Variants in C19orf47 observed in about 807,000 individuals in gnomAD.
The protein encoded by C19orf47 is uncharacterized protein C19orf47.
A neutral mutation model predicts 32.3 loss-of-function variants in C19orf47; 18 were observed. The observed-to-expected ratio is 0.56, with a 90% CI of 0.39 to 0.83. The LOEUF is 0.83. C19orf47 is among the 40% of genes least tolerant of loss of function. C19orf47 has a pLI of 0.00. For missense variants in C19orf47, 484 were observed against 531.6 expected (o/e 0.91, Z 0.88); for synonymous variants, 202 against 211.1 (o/e 0.96, Z 0.37).
At chr19:40,300,714 G>C in the C19orf47 span, among the ~76,000 whole-genome samples, 1 of 152,116 alleles carries the variant, frequency 6.6e-6, no homozygotes, top group Non-Finnish European at 1.5e-5. Flanking sequence ...TTTGCAATCA[G>C]CTATTGCCCC....
At chr19:40,299,948 G>A in the C19orf47 span, among the ~76,000 whole-genome samples, 25 of 152,168 alleles carry the variant, frequency 1.6e-4, no homozygotes, top group South Asian at 5.0e-3. Flanking sequence ...AGAATCGCTT[G>A]AACCCAGGGG....
At chr19:40,300,224 T>C in the C19orf47 span, among the ~76,000 whole-genome samples, 7 of 152,040 alleles carry the variant, frequency 4.6e-5, no homozygotes, top group Non-Finnish European at 1.0e-4. Context: ...CCCAGCACTT[T>C]GGGAGGCCAG....
intron 8 of C19orf47, among the ~76,000 whole-genome samples, chr19:40,323,623 C>G (rs2077766984): frequency 6.6e-6 from 1 of 152,196 alleles, no homozygotes; most frequent in African/African-American, 2.4e-5. Flanking sequence ...GGCTATCATC[C>G]TATCCTGACA....
intron 4 of C19orf47, chr19:40,334,853 A>C (rs1985766117): frequency 6.6e-6 from 1 of 151,346 alleles, no homozygotes; most frequent in Non-Finnish European, 1.5e-5. Flanking sequence ...CAGAGGTTGC[A>C]GTGAGCCGAG....
intron 5 of C19orf47, among the ~76,000 whole-genome samples, chr19:40,332,358 A>AT (rs2077971505): frequency 6.8e-6 from 1 of 146,194 alleles, no homozygotes; most frequent in African/African-American, 2.5e-5. Flanking sequence ...ATCTCAAGGG[A>AT]AAAAAAAAAA....
At chr19:40,338,266 T>TATACACAC (rs1555788267) in intron 2 of C19orf47, among the ~76,000 whole-genome samples, 1 of 143,546 alleles carries the variant, frequency 7.0e-6, no homozygotes, top group Non-Finnish European at 1.5e-5. Flanking sequence ...TACATATATA[T>TATACACAC]ACACACACAC....
At chr19:40,341,393 A>C (rs1176728266) in intron 2 of C19orf47, among the ~76,000 whole-genome samples, 1 of 152,010 alleles carries the variant, frequency 6.6e-6, no homozygotes, top group Non-Finnish European at 1.5e-5. Context: ...TAAATGTCAA[A>C]ATTTTTCAAA....
chr19:40,332,187 G>GT (rs1357977600), intron 5 of C19orf47, among the ~76,000 whole-genome samples: 2 of 146,562 alleles, frequency 1.4e-5, no homozygotes, highest in African/African-American at 5.1e-5. Context: ...GCAAAACTCT[G>GT]TCTCTACTAA....
intron 1 of C19orf47, among the ~76,000 whole-genome samples, chr19:40,346,988 G>T (rs1253617807): frequency 6.6e-6 from 1 of 152,246 alleles, no homozygotes; most frequent in East Asian, 1.9e-4. Flanking sequence ...CTGACTTAAT[G>T]CTAGTTTTAT....
intron 1 of C19orf47, among the ~76,000 whole-genome samples, chr19:40,345,076 A>G (rs980253092): frequency 2.0e-5 from 3 of 152,152 alleles, no homozygotes; most frequent in African/African-American, 7.2e-5. Flanking sequence ...GCCAGGTACT[A>G]TGGTCTGTTT....
rs764771895 is a variant in C19orf47 at position 40,341,858 on chromosome 19, C to T, written c.-1G>A. The T allele has an allele frequency of 4.6e-6, 7 of 1,536,048 alleles. No homozygotes were observed. The highest frequency in any genetic ancestry group is 3.9e-5 in the Admixed American group (2 of 50,974). On this transcript the variant is annotated 5_prime_UTR_variant, in exon 2 of 9. Transcript: ENST00000683109. The stretch of plus-strand genomic sequence containing the variant: ...ACTCACCCATAGTCACGGAGACCAT[C>T]GTCTCCCTGGCCCTGACACTGCTCC...
intron 5 of C19orf47, among the ~76,000 whole-genome samples, chr19:40,331,501 G>T (rs2077952348): frequency 6.6e-6 from 1 of 152,188 alleles, no homozygotes; most frequent in Admixed American, 6.5e-5. Context: ...AGCAAGACAT[G>T]GTGGCTTGTG....
the C19orf47 span, among the ~76,000 whole-genome samples, chr19:40,311,115 G>A: frequency 6.6e-6 from 1 of 151,924 alleles, no homozygotes; most frequent in Non-Finnish European, 1.5e-5. Flanking sequence ...AGTGGCTCAC[G>A]ACTGCAATCC....
At chr19:40,296,734 T>C in the C19orf47 span, among the ~76,000 whole-genome samples, 1 of 151,534 alleles carries the variant, frequency 6.6e-6, no homozygotes, top group Non-Finnish European at 1.5e-5. Context: ...GCCAACATGG[T>C]GAAACCCCAT....
chr19:40,314,414 C>T, the C19orf47 span, among the ~76,000 whole-genome samples: 15 of 152,046 alleles, frequency 9.9e-5, no homozygotes. Flanking sequence ...GCAACAAGAA[C>T]GAAACTCCGT....
the C19orf47 span, among the ~76,000 whole-genome samples, chr19:40,311,379 CAA>C: frequency 7.2e-6 from 1 of 139,178 alleles, no homozygotes; most frequent in Admixed American, 7.3e-5. Flanking sequence ...AACTCGGTCT[CAA>C]AAAAAAAAAA....
the C19orf47 span, among the ~76,000 whole-genome samples, chr19:40,305,680 GATAA>G: frequency 6.6e-6 from 1 of 152,052 alleles, no homozygotes; most frequent in East Asian, 1.9e-4. Context: ...TCTCGGAAAA[GATAA>G]ATAAATAAAT....
intron 5 of C19orf47, among the ~76,000 whole-genome samples, chr19:40,330,389 C>T (rs532121098): frequency 6.6e-6 from 1 of 151,810 alleles, no homozygotes; most frequent in South Asian, 2.1e-4. Context: ...TCACCATGCC[C>T]GGCTAATTTT....
At chr19:40,322,917 A>G (rs1355112562) in intron 8 of C19orf47, among the ~76,000 whole-genome samples, 1 of 152,236 alleles carries the variant, frequency 6.6e-6, no homozygotes, top group African/African-American at 2.4e-5. Flanking sequence ...AACGCATTCT[A>G]GACGGAGAAG....
Sources: allele counts gnomAD v4.1 joint callset (sites outside exome capture counted in the v4.1 genomes callset), GRCh38; gene constraint gnomAD v4.1.1; transcripts MANE v1.5; gene names NCBI Gene and HGNC (gene_info 2026-07-23, HGNC 2026-07-21).